MACROD2: variants seen among roughly 807,000 people sequenced by gnomAD.
MACROD2 encodes the protein ADP-ribose glycohydrolase MACROD2.
Under a neutral mutation model 70.4 loss-of-function variants are expected in MACROD2, and 36 were observed. The ratio of observed to expected loss-of-function variants is 0.51; its 90% CI spans 0.39 to 0.68. The LOEUF (loss-of-function observed/expected upper bound fraction) is 0.68, where lower values mean the gene tolerates loss of function less well. Among genes scored for constraint, MACROD2 ranks in the 30% least tolerant of loss-of-function variants. The pLI, the probability that MACROD2 is intolerant of heterozygous loss-of-function variation, is 0.00. For missense variants in MACROD2, 496 were observed against 538.4 expected (o/e 0.92, Z 0.78); for synonymous variants, 172 against 178.8 (o/e 0.96, Z 0.30).
intron 2 of MACROD2, among the ~76,000 whole-genome samples, chr20:14,008,338 C>T (rs1421303931): frequency 4.6e-5 from 7 of 151,968 alleles, no homozygotes; most frequent in East Asian, 1.9e-4. Context: ...ACAGGCAGGC[C>T]GGGAGGCAAG....
At chr20:14,462,410 G>A (rs1305232586) in intron 3 of MACROD2, among the ~76,000 whole-genome samples, 1 of 152,016 alleles carries the variant, frequency 6.6e-6, no homozygotes, top group African/African-American at 2.4e-5. Context: ...ATTTGTTTGA[G>A]TTCATTGTAG....
intron 15 of MACROD2, among the ~76,000 whole-genome samples, chr20:16,025,280 A>G (rs2067061933): frequency 6.6e-6 from 1 of 152,208 alleles, no homozygotes; most frequent in Non-Finnish European, 1.5e-5. Context: ...CACACAGAGA[A>G]TGAAGTCAGC....
intron 3 of MACROD2, among the ~76,000 whole-genome samples, chr20:14,463,690 T>G (rs190577451): frequency 2.6e-5 from 4 of 152,242 alleles, no homozygotes; most frequent in African/African-American, 9.6e-5. Context: ...TAGCTCTTAT[T>G]ATTTTGAGAT....
At chr20:15,691,291 T>A (rs187615948) in intron 8 of MACROD2, among the ~76,000 whole-genome samples, 50 of 152,356 alleles carry the variant, frequency 3.3e-4, no homozygotes, top group African/African-American at 1.1e-3. Flanking sequence ...AGGATGCTAT[T>A]ATCTACCTCT....
chr20:14,857,341 C>A (rs1225563548), intron 5 of MACROD2, among the ~76,000 whole-genome samples: 1 of 152,210 alleles, frequency 6.6e-6, no homozygotes, highest in African/African-American at 2.4e-5. Flanking sequence ...GGCCCCTTAT[C>A]ATCTGACAGA....
chr20:14,803,770 G>A (rs965370434), intron 5 of MACROD2, among the ~76,000 whole-genome samples: 10 of 151,940 alleles, frequency 6.6e-5, no homozygotes, highest in Admixed American at 2.6e-4. Flanking sequence ...CGTGAGCCAC[G>A]GCACCTGGCC....
intron 5 of MACROD2, among the ~76,000 whole-genome samples, chr20:15,134,586 A>G (rs2076132242): frequency 6.6e-6 from 1 of 152,126 alleles, no homozygotes; most frequent in Non-Finnish European, 1.5e-5. Context: ...AGGGAAATTT[A>G]TAGCACTAAA....
chr20:14,288,458 C>G (rs913361434), intron 3 of MACROD2, among the ~76,000 whole-genome samples: 2 of 151,998 alleles, frequency 1.3e-5, no homozygotes, highest in Non-Finnish European at 1.5e-5. Context: ...TTTGGCTGTC[C>G]CTTGTAGGAC....
intron 5 of MACROD2, among the ~76,000 whole-genome samples, chr20:15,035,168 A>C (rs1176888049): frequency 6.6e-6 from 1 of 152,130 alleles, no homozygotes; most frequent in African/African-American, 2.4e-5. Flanking sequence ...CTGAGGCTGG[A>C]GGATTGCTTA....
intron 15 of MACROD2, among the ~76,000 whole-genome samples, chr20:15,995,203 A>G (rs1687103164): frequency 6.6e-6 from 1 of 152,082 alleles, no homozygotes; most frequent in South Asian, 2.1e-4. Flanking sequence ...CATTCCACAA[A>G]TGCTTTTAAT....
intron 3 of MACROD2, among the ~76,000 whole-genome samples, chr20:14,204,968 C>A (rs770631309): frequency 1.1e-4 from 16 of 152,126 alleles, no homozygotes; most frequent in Admixed American, 2.6e-4. Flanking sequence ...GGAATTTCTT[C>A]AAGAAGTAGA....
chr20:14,149,432 G>C (rs1418684687), intron 3 of MACROD2, among the ~76,000 whole-genome samples: 1 of 152,008 alleles, frequency 6.6e-6, no homozygotes, highest in East Asian at 1.9e-4. Context: ...TTGCTATTGT[G>C]AATAGGGCTG....
intron 6 of MACROD2, among the ~76,000 whole-genome samples, chr20:15,255,339 G>A (rs978697297): frequency 2.6e-5 from 4 of 152,092 alleles, no homozygotes; most frequent in Non-Finnish European, 4.4e-5. Context: ...TCCTGTCCAA[G>A]CACTTGCCAC....
intron 5 of MACROD2, among the ~76,000 whole-genome samples, chr20:15,155,482 T>G (rs1056005578): frequency 2.0e-5 from 3 of 152,322 alleles, no homozygotes; most frequent in Non-Finnish European, 4.4e-5. Flanking sequence ...ACCCTGCTAC[T>G]CTTTACTTGA....
At chr20:15,720,598 G>C (rs1169775657) in intron 8 of MACROD2, among the ~76,000 whole-genome samples, 1 of 152,034 alleles carries the variant, frequency 6.6e-6, no homozygotes, top group Non-Finnish European at 1.5e-5. Context: ...TTAGTGTTTC[G>C]GTTATGGGTT....
At chr20:14,678,509 C>A (rs536810178) in intron 4 of MACROD2, among the ~76,000 whole-genome samples, 173 of 152,088 alleles carry the variant, frequency 1.1e-3, no homozygotes, top group Non-Finnish European at 1.2e-3. Flanking sequence ...ATAGACAGTC[C>A]TATTGCTCTC....
intron 5 of MACROD2, among the ~76,000 whole-genome samples, chr20:14,835,254 G>T (rs1402342508): frequency 6.6e-6 from 1 of 152,068 alleles, no homozygotes; most frequent in African/African-American, 2.4e-5. Flanking sequence ...ATCAGAGGAT[G>T]AAGGAAAGAG....
At chr20:15,570,991 T>C (rs1254001130) in intron 8 of MACROD2, among the ~76,000 whole-genome samples, 1 of 152,188 alleles carries the variant, frequency 6.6e-6, no homozygotes, top group Admixed American at 6.6e-5. Flanking sequence ...TATTTAACCT[T>C]AGTATGTTTT....
intron 6 of MACROD2, among the ~76,000 whole-genome samples, chr20:15,263,665 TG>T (rs2077268516): frequency 1.3e-5 from 2 of 152,190 alleles, no homozygotes; most frequent in African/African-American, 2.4e-5. Context: ...TCCATGAACG[TG>T]GAATATCTTG....
Sources: allele counts gnomAD v4.1 joint callset (sites outside exome capture counted in the v4.1 genomes callset), GRCh38; gene constraint gnomAD v4.1.1; transcripts MANE v1.5; gene names NCBI Gene and HGNC (gene_info 2026-07-23, HGNC 2026-07-21).